IGF1R: variants seen among roughly 807,000 people sequenced by gnomAD.
IGF1R encodes insulin like growth factor 1 receptor.
Under a neutral mutation model 144.6 loss-of-function variants are expected in IGF1R, and 44 were observed. The observed-to-expected ratio is 0.30, with a 90% CI of 0.24 to 0.39. The LOEUF is 0.39. Ranked by LOEUF, IGF1R falls within the 10% of genes least tolerant of loss-of-function variation. The pLI is 1.00. For missense variants in IGF1R, 1,355 were observed against 1,833.7 expected, an observed-to-expected ratio of 0.74 and a Z score of 4.77; for synonymous variants, 795 against 722.8, an observed-to-expected ratio of 1.10 and a Z score of -1.60.
intron 2 of IGF1R, among the ~76,000 whole-genome samples, chr15:98,729,994 C>T (rs1432837690): frequency 6.6e-6 from 1 of 152,188 alleles, no homozygotes; most frequent in Non-Finnish European, 1.5e-5. Flanking sequence ...GGCATCTGGT[C>T]TAAAGGCACA....
intron 5 of IGF1R, among the ~76,000 whole-genome samples, chr15:98,908,371 A>G (rs1330735560): frequency 6.6e-6 from 1 of 152,230 alleles, no homozygotes; most frequent in Non-Finnish European, 1.5e-5. Context: ...CTTGGCTGAG[A>G]AAAATAACCA....
At chr15:98,663,838 AGTTT>A (rs756922922) in intron 1 of IGF1R, among the ~76,000 whole-genome samples, 1 of 152,226 alleles carries the variant, frequency 6.6e-6, no homozygotes, top group Non-Finnish European at 1.5e-5. Context: ...GAAGAGGAAC[AGTTT>A]GTTTAAAGAG....
chr15:98,891,658 T>A lies in IGF1R; in HGVS notation c.953+21T>A. ...CAGAGGTCAGTCGCGGCCACACGTG[T>A]GGTCACTACCCGCCCCACCTCACCC... is the stretch of plus-strand genomic sequence containing the variant. On this transcript the variant is annotated intron_variant, in intron 3 of 20. Transcript: ENST00000650285. The surrounding 1 kb of genome is among the most constrained non-coding windows in gnomAD (Gnocchi z 4.7). 1.3e-6 allele frequency: 2 copies of A among 1,596,768 alleles called. No homozygotes were observed. Among genetic ancestry groups the A allele is most frequent in the Non-Finnish European group, 1.7e-6 (2 of 1,178,100 alleles).
chr15:98,706,250 G>A (rs1377256975), intron 1 of IGF1R, among the ~76,000 whole-genome samples: 1 of 152,260 alleles, frequency 6.6e-6, no homozygotes, highest in Non-Finnish European at 1.5e-5. Flanking sequence ...TATCATACAT[G>A]TTGGGTGCTT....
chr15:98,922,032 G>A (rs2015509542), intron 10 of IGF1R, 116 bp from the exon 11 acceptor site: 1 of 1,081,690 alleles, frequency 9.2e-7, no homozygotes. Context: ...TACCTAAGGG[G>A]GCTCAATAGC....
chr15:98,750,641 T>C (rs547521424), intron 2 of IGF1R, among the ~76,000 whole-genome samples: 1 of 152,270 alleles, frequency 6.6e-6, no homozygotes, highest in South Asian at 2.1e-4. Context: ...CTGGGCAACA[T>C]TGGGAGACCC....
At chr15:98,839,316 G>A (rs777524965) in intron 2 of IGF1R, among the ~76,000 whole-genome samples, 1 of 152,164 alleles carries the variant, frequency 6.6e-6, no homozygotes, top group Non-Finnish European at 1.5e-5. Context: ...ACCGAAATCA[G>A]TGTGACTCTA....
At chr15:98,863,188 C>G (rs1284622826) in intron 2 of IGF1R, among the ~76,000 whole-genome samples, 4 of 152,154 alleles carry the variant, frequency 2.6e-5, no homozygotes, top group Non-Finnish European at 5.9e-5. Context: ...ATGTTTCCTC[C>G]TGATTAAATT....
In IGF1R at chr15:98,964,281, T is replaced by C. The variant is rs1033927781; in HGVS notation, c.*6839T>C. ...GTTACATAAAATGACTTTCTGTGTA[T>C]AAATTATTCCTAAAAAATCCTGTTT... On this transcript the variant is annotated 3_prime_UTR_variant, in exon 21 of 21. Transcript: ENST00000650285. The C allele has an allele frequency of 1.3e-5, 3 of 232,546 alleles. No individual in the cohort carries two copies. The highest frequency in any genetic ancestry group is 5.6e-5 in the Admixed American group (1 of 17,770). The allele number at this position is 232,546 out of a possible 1,614,324, so 14.4% of individuals were successfully genotyped here.
chr15:98,888,992 C>A (rs780223108), intron 2 of IGF1R, among the ~76,000 whole-genome samples: 1 of 152,182 alleles, frequency 6.6e-6, no homozygotes, highest in Non-Finnish European at 1.5e-5. Flanking sequence ...AGGAGGATGG[C>A]CATGCCCTCT....
chr15:98,814,786 G>T (rs2056660926), intron 2 of IGF1R, among the ~76,000 whole-genome samples: 1 of 147,562 alleles, frequency 6.8e-6, no homozygotes, highest in Middle Eastern at 3.3e-3. Context: ...GACCAAAAAT[G>T]GGGAGAAGAA....
chr15:98,949,352 T>C (rs1282637068), intron 20 of IGF1R, among the ~76,000 whole-genome samples: 1 of 150,844 alleles, frequency 6.6e-6, no homozygotes, highest in African/African-American at 2.4e-5. Context: ...AGGATGCCAG[T>C]GCTGGTGAAT....
chr15:98,937,538 T>C (rs1043604169), intron 17 of IGF1R, among the ~76,000 whole-genome samples: 1 of 152,222 alleles, frequency 6.6e-6, no homozygotes, highest in South Asian at 2.1e-4. Context: ...CTAGCTCATG[T>C]CAAGTATTAA....
chr15:98,738,526 ACT>A (rs1446142707), intron 2 of IGF1R, among the ~76,000 whole-genome samples: 2 of 152,174 alleles, frequency 1.3e-5, no homozygotes, highest in African/African-American at 4.8e-5. Context: ...ACAGAGTGAG[ACT>A]CTGCCCCAAA....
chr15:98,659,154 T>C (rs1157835485), intron 1 of IGF1R, among the ~76,000 whole-genome samples: 2 of 152,228 alleles, frequency 1.3e-5, no homozygotes, highest in Admixed American at 6.5e-5. Flanking sequence ...ACCTGGCACA[T>C]AGGTGCTCAA....
In IGF1R at chr15:98,892,284, GCTCACAC is replaced by G. The variant is rs1437191095; in HGVS notation, c.953+650_953+656del. 2.6e-5 allele frequency among the ~76,000 whole-genome samples: 4 copies of G among 152,106 alleles called. No individual in the cohort carries two copies. The East Asian group carries it at 7.7e-4, about 29-fold the overall frequency. On this transcript the variant is annotated intron_variant, in intron 3 of 20. Coordinates refer to ENST00000650285, the MANE Select transcript of IGF1R (RefSeq NM_000875.5). ...GAAGTTCCTTATGGCCAGGCATGTG[GCTCACAC>G]CTGTAATCCCAATACTTTGGGAGGC...
At chr15:98,878,024 A>G (rs2013150316) in intron 2 of IGF1R, among the ~76,000 whole-genome samples, 1 of 152,232 alleles carries the variant, frequency 6.6e-6, no homozygotes, top group Non-Finnish European at 1.5e-5. Context: ...CAGAAGTGAC[A>G]TTTGCAGCCA....
At chr15:98,943,624 G>A (rs866014186) in intron 19 of IGF1R, among the ~76,000 whole-genome samples, 2 of 152,228 alleles carry the variant, frequency 1.3e-5, no homozygotes, top group Non-Finnish European at 2.9e-5. Context: ...CCCATCGACC[G>A]AGGGATCAGA....
chr15:98,850,534 A>T (rs542971681), intron 2 of IGF1R, among the ~76,000 whole-genome samples: 9 of 152,378 alleles, frequency 5.9e-5, no homozygotes, highest in African/African-American at 2.2e-4. Flanking sequence ...AGAGGTTGCA[A>T]CGAGGCCTCT....
Sources: allele counts gnomAD v4.1 joint callset (sites outside exome capture counted in the v4.1 genomes callset), GRCh38; gene constraint gnomAD v4.1.1; non-coding constraint Gnocchi (gnomAD v3.1); transcripts MANE v1.5; gene names NCBI Gene and HGNC (gene_info 2026-07-23, HGNC 2026-07-21).